The following AMPD3 variants were observed in gnomAD, a reference collection of about 807,000 sequenced individuals.
The protein encoded by AMPD3 is adenosine monophosphate deaminase 3, also known as AMP deaminase 3.
A neutral mutation model predicts 82.3 loss-of-function variants in AMPD3; 57 were observed. The ratio of observed to expected loss-of-function variants is 0.69; its 90% confidence interval spans 0.56 to 0.86. AMPD3 has a LOEUF of 0.86. Ranked by LOEUF, AMPD3 falls within the 40% of genes least tolerant of loss-of-function variation. AMPD3 has a pLI of 0.00. For missense variants in AMPD3, 870 were observed against 1,003.8 expected, an observed-to-expected ratio of 0.87 and a Z score of 1.80; for synonymous variants, 381 against 394.7, an observed-to-expected ratio of 0.97 and a Z score of 0.41.
intron 2 of AMPD3, chr11:10,473,697 C>A: frequency 1.3e-6 from 1 of 751,754 alleles, no homozygotes; most frequent in Non-Finnish European, 1.6e-6. Context: ...CAGCATATTT[C>A]TCCAGATAGG....
intron 4 of AMPD3, 108 bp from the exon 5 acceptor site, chr11:10,484,712 A>G (rs7128132): frequency 0.92 from 1,277,606 of 1,384,510 alleles, 589,837 homozygotes; most frequent in East Asian, 0.97. Flanking sequence ...GGGCCGGCGC[A>G]GGGTTGGATT....
At chr11:10,453,977 G>A (rs1484220208), upstream of AMPD3, among the ~76,000 whole-genome samples, 1 of 152,184 alleles carries the variant, frequency 6.6e-6, no homozygotes, top group Non-Finnish European at 1.5e-5. Flanking sequence ...AGGGGATGCA[G>A]TCTAGTCTCG....
At position 10,501,518 on chromosome 11, in the gene AMPD3, C is replaced by T. The variant is rs200054335; in HGVS notation, c.1770C>T (p.Ala590=). 6.6e-5 allele frequency: 106 copies of T among 1,614,030 alleles called. No individual in the cohort carries two copies. Among genetic ancestry groups the T allele is most frequent in the Admixed American group, 1.3e-4 (8 of 60,004 alleles). Residue 590 remains alanine (A), a synonymous_variant, in exon 12 of 15, where the codon GCC becomes GCT. Transcript: ENST00000396553. ...TGTTCCGGCCGCACTGTGGGGAAGC[C>T]GGCTCCATCACCCACCTGGTGTCTG... The part of the protein sequence containing the change: ...TFLFRPHCGE[A]GSITHLVSAF...
chr11:10,496,565 T>G, intron 9 of AMPD3: 1 of 985,048 alleles, frequency 1.0e-6, no homozygotes, highest in Non-Finnish European at 1.2e-6. Flanking sequence ...CCATTCCTAG[T>G]GGCTTCTGGC....
chr11:10,503,043 G>C, intron 13 of AMPD3, 149 bp downstream of exon 13: 1 of 919,334 alleles, frequency 1.1e-6, no homozygotes, highest in African/African-American at 1.6e-5. Flanking sequence ...CCACTGTTGG[G>C]GGAAAATTGT....
At chr11:10,460,926 T>G (rs1848251239) in intron 1 of AMPD3, 2 of 985,234 alleles carry the variant, frequency 2.0e-6, no homozygotes, top group African/African-American at 1.7e-5. Context: ...AAACCTTTAT[T>G]TTATTTGCTG....
At chr11:10,459,733 G>A (rs1359911004) in intron 1 of AMPD3, among the ~76,000 whole-genome samples, 3 of 152,114 alleles carry the variant, frequency 2.0e-5, no homozygotes, top group African/African-American at 7.2e-5. Flanking sequence ...GCTGGGGACT[G>A]TGAGGAGCCC....
rs1278182191 is a variant in AMPD3, at chr11:10,484,879, AACCTGGATTACTT to A, written c.650_662del (p.Asn217ArgfsTer38). On this transcript the variant is annotated frameshift_variant, in exon 5 of 15. Transcript: ENST00000396553. LOFTEE classifies it high-confidence loss of function. ...CTACTGCCTGGATGATGCACCCCCC[AACCTGGATTACTT>A]GGTCCACATGCAGGGGGGCATCCTC... is the stretch of plus-strand genomic sequence containing the variant. 1.2e-6 allele frequency: 2 copies of A among 1,613,854 alleles called. No homozygotes were observed. The highest frequency in any genetic ancestry group is 2.7e-5 in the African/African-American group (2 of 74,844).
chr11:10,453,992 G>A (rs1043859498), upstream of AMPD3, among the ~76,000 whole-genome samples: 1 of 152,170 alleles, frequency 6.6e-6, no homozygotes, highest in African/African-American at 2.4e-5. Flanking sequence ...GTCTCGGGCA[G>A]GAGAAGCGGG....
intron 2 of AMPD3, among the ~76,000 whole-genome samples, chr11:10,474,788 C>T (rs1365314085): frequency 6.6e-6 from 1 of 152,192 alleles, no homozygotes; most frequent in Non-Finnish European, 1.5e-5. Flanking sequence ...GGCTCCTTGG[C>T]AGGAGTGTGC....
chr11:10,470,006 C>T (rs1848540887), intron 2 of AMPD3, among the ~76,000 whole-genome samples: 1 of 148,794 alleles, frequency 6.7e-6, no homozygotes, highest in African/African-American at 2.5e-5. Flanking sequence ...CGCCACTGCA[C>T]TCCAGCCTGG....
chr11:10,486,222 T>G (rs1244672325), intron 5 of AMPD3, among the ~76,000 whole-genome samples: 1 of 152,208 alleles, frequency 6.6e-6, no homozygotes, highest in Admixed American at 6.5e-5. Context: ...CTTCCGACTC[T>G]GAGGCTGTCC....
At chr11:10,468,678 A>T (rs1016525341) in intron 2 of AMPD3, among the ~76,000 whole-genome samples, 2 of 151,988 alleles carry the variant, frequency 1.3e-5, no homozygotes, top group Non-Finnish European at 2.9e-5. Context: ...ACCCAAATCA[A>T]CAGAATATAC....
chr11:10,495,577 C>A lies in AMPD3; in HGVS notation c.1274C>A (p.Ala425Asp). The change falls in exon 9 of 15, where the codon GCC becomes GAC. Residue 425 changes from alanine (A) to aspartate (D), a missense_variant. By Grantham distance (126) the Ala-to-Asp change is moderately radical (BLOSUM62 -2). Transcript: ENST00000396553. ...AAGCTCTTCTTGTGCCAGGAGGTTG[C>A]CCGGGAGCTGGAGGAGAGCAAGTAC... The part of the protein sequence containing the change: ...EYFARMVKEV[A>D]RELEESKYQY... 6.2e-7 allele frequency: 1 copy of A among 1,612,826 alleles called. No individual in the cohort carries two copies. The highest frequency in any genetic ancestry group is 8.5e-7 in the Non-Finnish European group (1 of 1,180,008).
chr11:10,478,290 A>G, intron 2 of AMPD3: 1 of 985,378 alleles, frequency 1.0e-6, no homozygotes, highest in Non-Finnish European at 1.2e-6. Context: ...GGCTGTGCAA[A>G]CAGCCCTGAG....
intron 8 of AMPD3, 127 bp downstream of exon 8, chr11:10,495,157 T>TGAGGTGCC (rs1849356719): frequency 6.3e-7 from 1 of 1,599,046 alleles, no homozygotes; most frequent in African/African-American, 1.3e-5. Context: ...CAGGGAAGGG[T>TGAGGTGCC]GAGGTGCCCA....
At chr11:10,450,929 C>T (rs962156535), upstream of AMPD3, 5 of 1,283,648 alleles carry the variant, frequency 3.9e-6, no homozygotes, top group Non-Finnish European at 4.9e-6. Context: ...GGGCCCTGGC[C>T]CCGGCTGGCC....
At position 10,494,882 on chromosome 11, in the gene AMPD3, G is replaced by A. The variant is rs1408284672; in HGVS notation, c.1135-17G>A. Reference sequence around the variant, plus strand: ...GCTGCAGAACGATGCGTTGATTGGTGTGGTCTCCCCCCTCAGGGCCGGCAG... The same window carrying A: ...GCTGCAGAACGATGCGTTGATTGGTATGGTCTCCCCCCTCAGGGCCGGCAG... On this transcript the variant is annotated splice_polypyrimidine_tract_variant and intron_variant, in intron 7 of 14. Transcript: ENST00000396553. The A allele has an allele frequency of 1.9e-6, 3 of 1,610,912 alleles. No individual in the cohort carries two copies.
At chr11:10,459,580 G>GTCCACAAAA (rs1564837935) in intron 1 of AMPD3, among the ~76,000 whole-genome samples, 1 of 152,112 alleles carries the variant, frequency 6.6e-6, no homozygotes, top group Non-Finnish European at 1.5e-5. Flanking sequence ...TGTCTGTCTG[G>GTCCACAAAA]TCCACAAAAC....
Sources: gnomAD v4.1 joint callset for allele counts (sites outside exome capture counted in the v4.1 genomes callset) on GRCh38, gnomAD v4.1.1 for gene constraint, MANE v1.5 for transcripts, NCBI Gene and HGNC (gene_info 2026-07-23, HGNC 2026-07-21) for gene names.